Variants in OFD1 observed in about 807,000 individuals in gnomAD.
OFD1 encodes centriole and centriolar satellite protein OFD1.
A neutral mutation model predicts 81.4 loss-of-function variants in OFD1; 12 were observed. The observed-to-expected ratio is 0.15, with a 90% confidence interval of 0.09 to 0.24. The LOEUF is 0.24. OFD1 is among the 10% of genes least tolerant of loss of function. The pLI is 1.00. For missense variants in OFD1, 685 were observed against 733.9 expected (o/e 0.93, Z 0.77); for synonymous variants, 256 against 263.7 (o/e 0.97, Z 0.28).
chrX:13,754,728 A>T (rs933274760), intron 11 of OFD1, among the ~76,000 whole-genome samples: 7 of 112,743 alleles, frequency 6.2e-5, no homozygotes, highest in African/African-American at 2.3e-4. Flanking sequence ...TCTTGTGGAG[A>T]CTAATACTTC....
chrX:13,747,877 G>C (rs963703987), intron 8 of OFD1, among the ~76,000 whole-genome samples: 12 of 111,564 alleles, frequency 1.1e-4, no homozygotes, highest in Non-Finnish European at 1.1e-4. Flanking sequence ...GACAGAGAGG[G>C]TGAGGAGTGA....
At chrX:13,759,078 G>A (rs1432043287) in intron 15 of OFD1, among the ~76,000 whole-genome samples, 1 of 111,759 alleles carries the variant, frequency 8.9e-6, no homozygotes, top group Non-Finnish European at 1.9e-5. Flanking sequence ...CACTGTGGAT[G>A]CATCTCTGCC....
chrX:13,735,322 T>C lies in OFD1; in HGVS notation c.87T>C (p.Asp29=), dbSNP rs777879661. The C allele has an allele frequency of 1.7e-6, 2 of 1,209,062 alleles. No homozygotes were observed. The highest frequency in any genetic ancestry group is 3.5e-5 in the South Asian group (2 of 56,986). The change falls in exon 2 of 23, where the codon GAT becomes GAC. Residue 29 remains aspartate, a synonymous_variant. Coordinates refer to ENST00000340096, the MANE Select transcript of OFD1 (RefSeq NM_003611.3). The part of the protein sequence containing the change: ...LRKKLYQTFK[D]RGILDTLKTQ... ...AAAAGCTATACCAGACGTTTAAGGA[T>C]CGGGGTATACTGGATACACTCAAGG...
intron 10 of OFD1, chrX:13,752,762 GTGT>G: frequency 1.0e-6 from 1 of 972,111 alleles, no homozygotes; most frequent in South Asian, 2.0e-5. Context: ...ACTTTGGCAG[GTGT>G]TGGAGTTTGG....
intron 13 of OFD1, among the ~76,000 whole-genome samples, chrX:13,757,269 G>C (rs1015168777): frequency 8.9e-6 from 1 of 111,879 alleles, no homozygotes; most frequent in Non-Finnish European, 1.9e-5. Context: ...TCTGCCTTCT[G>C]CCTGGATCCC....
chrX:13,762,400 A>G lies in OFD1; in HGVS notation c.2444A>G (p.Lys815Arg). ...AAAAGTGAATTTTCAGATGTGGACAAGCTAGCTTTTAAGGATAATGAGGAG... is the reference window on the plus strand; with the variant it reads ...AAAAGTGAATTTTCAGATGTGGACAGGCTAGCTTTTAAGGATAATGAGGAG... ...QDKSEFSDVDKLAFKDNEEFE... is the reference protein window; with the variant it reads ...QDKSEFSDVDRLAFKDNEEFE... The change falls in exon 18 of 23, where the codon AAG (lysine) becomes AGG (arginine). Residue 815 changes from lysine to arginine, a missense_variant. Lys to Arg is a conservative substitution (Grantham distance 26). Around this residue, in one of 3 missense-constraint regions of OFD1, gnomAD observed 259 missense variants for 254.4 expected, o/e 1.02. Coordinates refer to ENST00000340096, the MANE Select transcript of OFD1 (RefSeq NM_003611.3). 8.3e-7 allele frequency: 1 copy of G among 1,200,521 alleles called. No individual in the cohort carries two copies. The highest frequency in any genetic ancestry group is 1.1e-6 in the Non-Finnish European group (1 of 885,037).
chrX:13,742,967 C>T (rs1173548440), intron 5 of OFD1, among the ~76,000 whole-genome samples: 1 of 111,986 alleles, frequency 8.9e-6, no homozygotes, highest in African/African-American at 3.2e-5. Flanking sequence ...AATCCCCTTC[C>T]TGAAGGGAGT....
chrX:13,731,051 G>C (rs947324666), upstream of OFD1, among the ~76,000 whole-genome samples: 3 of 111,499 alleles, frequency 2.7e-5, no homozygotes, highest in African/African-American at 9.8e-5. Flanking sequence ...ATGTACCCTA[G>C]AACTTAAAAG....
chrX:13,725,380 C>T, the OFD1 span, among the ~76,000 whole-genome samples: 3 of 111,986 alleles, frequency 2.7e-5, no homozygotes, highest in East Asian at 8.5e-4. Context: ...GGCGGGTGCC[C>T]CTCTGGGATG....
At chrX:13,719,346 C>A in the OFD1 span, among the ~76,000 whole-genome samples, 1 of 110,736 alleles carries the variant, frequency 9.0e-6, no homozygotes, top group African/African-American at 3.3e-5. Context: ...GGTGGTATCA[C>A]CTCTGGTGCT....
upstream of OFD1, chrX:13,734,130 C>T: frequency 2.0e-6 from 1 of 511,821 alleles, no homozygotes; most frequent in Admixed American, 2.7e-5. Flanking sequence ...TCCAAGAGGA[C>T]ATCTGGCAAT....
chrX:13,723,262 G>C, the OFD1 span, among the ~76,000 whole-genome samples: 1 of 111,473 alleles, frequency 9.0e-6, no homozygotes, highest in African/African-American at 3.3e-5. Context: ...CCGCCTCCCA[G>C]GTTCAGGAGA....
rs770131832 is a variant in OFD1, at chrX:13,746,813, A to G, written c.688A>G (p.Ile230Val). 42 of 1,202,984 alleles carry G rather than the reference A, an allele frequency of 3.5e-5. 1 individual carries two copies. Among genetic ancestry groups the G allele is most frequent in the Non-Finnish European group, 5.6e-6 (5 of 890,871 alleles). Residue 230 changes from isoleucine (I) to valine (V), a missense_variant, in exon 8 of 23, where the codon ATT (isoleucine) becomes GTT (valine). Transcript: ENST00000340096. ...KFFKDTEIAK[I>V]KMEAKKKYEK... ...TTTTAAAGATACCGAGATAGCAAAAATTAAAATGGAAGCAAAAAAAAAGTA... is the reference window on the plus strand; with the variant it reads ...TTTTAAAGATACCGAGATAGCAAAAGTTAAAATGGAAGCAAAAAAAAAGTA...
rs2285636 is a variant in OFD1, at chrX:13,757,907, C to T, written c.1542+117C>T. 60 of 837,254 alleles carry T rather than the reference C, an allele frequency of 7.2e-5. No individual in the cohort carries two copies. In the East Asian group the frequency reaches 1.6e-3, roughly 23 times the overall value. 69.0% of individuals were successfully genotyped at this position (837,254 alleles called of 1,213,427 possible). A position where few individuals can be genotyped will look rare whatever the true frequency, so the allele number is the denominator to read the frequency against. ...TTATTTTAACATCAAACATTACTCC[C>T]CCAAATATGCTAAAGGTATCCTTTC... On this transcript the variant is annotated intron_variant, in intron 14 of 22. Transcript: ENST00000340096.
At chrX:13,767,005 C>G (rs922723778) in intron 19 of OFD1, 122 bp from the exon 20 acceptor site, 6 of 646,036 alleles carry the variant, frequency 9.3e-6, no homozygotes, top group African/African-American at 2.2e-5. Flanking sequence ...AAGCAGGTCA[C>G]AGAGTCAACT....
chrX:13,750,716 A>G (rs2047471884), intron 9 of OFD1, among the ~76,000 whole-genome samples: 2 of 112,046 alleles, frequency 1.8e-5, no homozygotes, highest in Admixed American at 9.4e-5. Context: ...GGCTCAAGCA[A>G]TCCTCCTGCC....
chrX:13,721,613 A>C, the OFD1 span: 4 of 112,226 alleles, frequency 3.6e-5, no homozygotes, highest in Non-Finnish European at 5.6e-5. Flanking sequence ...CAATGAAATC[A>C]GAAGAAATCT....
chrX:13,763,407 T>TA (rs1294747948), intron 18 of OFD1, among the ~76,000 whole-genome samples: 1 of 112,977 alleles, frequency 8.9e-6, no homozygotes, highest in African/African-American at 3.2e-5. Context: ...AAATATTTGT[T>TA]AAAGTCTTTG....
chrX:13,752,098 C>G (rs182734726), intron 10 of OFD1, among the ~76,000 whole-genome samples: 1 of 112,087 alleles, frequency 8.9e-6, no homozygotes, highest in East Asian at 2.8e-4. Flanking sequence ...TGTCAGTGAA[C>G]ATGTGCCTTG....
Sources: gnomAD v4.1 joint callset for allele counts (sites outside exome capture counted in the v4.1 genomes callset) on GRCh38, gnomAD v4.1.1 for gene constraint, gnomAD v4.1.1 regional missense constraint, MANE v1.5 for transcripts, NCBI Gene and HGNC (gene_info 2026-07-23, HGNC 2026-07-21) for gene names.